The following HEATR1 variants were observed in gnomAD, a reference collection of about 807,000 sequenced individuals.
HEATR1 encodes the protein HEAT repeat containing 1, also known as HEAT repeat-containing protein 1.
HEATR1 carries 77 observed loss-of-function variants against 248.2 expected under a neutral mutation model. That is an observed-to-expected ratio of 0.31 (90% CI 0.26 to 0.37). The LOEUF (loss-of-function observed/expected upper bound fraction) is 0.37. Among genes scored for constraint, HEATR1 ranks in the 10% least tolerant of loss-of-function variants. The pLI, the probability that HEATR1 is intolerant of heterozygous loss-of-function variation, is 1.00. For synonymous variants in HEATR1, 897 were observed against 923.1 expected, an observed-to-expected ratio of 0.97 and a Z score of 0.51; for missense variants, 2,420 against 2,504.9, an observed-to-expected ratio of 0.97 and a Z score of 0.72.
intron 15 of HEATR1, 148 bp from the exon 16 acceptor site, chr1:236,586,089 G>T: frequency 7.9e-7 from 1 of 1,263,644 alleles, no homozygotes; most frequent in Non-Finnish European, 1.1e-6. Context: ...TCTATGAATT[G>T]GCTTCCTTTT....
In HEATR1 at chr1:236,576,226, T is replaced by C. The variant is rs202082960; in HGVS notation, c.3077A>G (p.Asn1026Ser). 4.6e-5 allele frequency: 73 copies of C among 1,598,450 alleles called. 2 individuals are homozygous for C. The Admixed American group carries it at 5.8e-4, about 13-fold the overall frequency. ...CACTTAAATGGCACATACCTCACCG[T>C]TGACTCCCTGAAGTACTTTCATCAA... ...KDLMKVLQGV[N>S]GEMVLSQLLP... Residue 1026 changes from asparagine (N) to serine (S), a missense_variant, in exon 22 of 45, where the codon AAC (asparagine) becomes AGC (serine). Coordinates refer to ENST00000366582, the MANE Select transcript of HEATR1 (RefSeq NM_018072.6).
intron 42 of HEATR1, among the ~76,000 whole-genome samples, chr1:236,554,163 G>A (rs1338458928): frequency 6.6e-6 from 1 of 152,182 alleles, no homozygotes; most frequent in Non-Finnish European, 1.5e-5. Context: ...AGGCCAAGGT[G>A]GGTGGATCAC....
At chr1:236,587,822 C>G (rs1663935067) in intron 13 of HEATR1, 126 bp downstream of exon 13, 1 of 630,684 alleles carries the variant, frequency 1.6e-6, no homozygotes, top group Non-Finnish European at 2.7e-6. Flanking sequence ...TCTGTGCTCT[C>G]CAGAGAACAA....
chr1:236,597,022 G>A (rs745582732), intron 5 of HEATR1, 46 bp from the exon 6 acceptor site: 5 of 1,580,440 alleles, frequency 3.2e-6, no homozygotes, highest in Admixed American at 3.6e-5. Flanking sequence ...GTGAAAGGGA[G>A]GTAGAAGGAT....
At chr1:236,553,834 A>G in intron 42 of HEATR1, 95 bp from the exon 43 acceptor site, 2 of 1,336,196 alleles carry the variant, frequency 1.5e-6, no homozygotes, top group Non-Finnish European at 2.1e-6. Flanking sequence ...ACTATCTTTC[A>G]TGATATTAGC....
chr1:236,568,049 A>T lies in HEATR1; in HGVS notation c.4077+947T>A, dbSNP rs534459505. Among the ~76,000 whole-genome samples, 4 of 152,358 alleles carry T rather than the reference A, an allele frequency of 2.6e-5. No individual in the cohort carries two copies. The East Asian group carries it at 7.7e-4, about 29-fold the overall frequency. On this transcript the variant is annotated intron_variant, in intron 29 of 44. Coordinates refer to ENST00000366582, the MANE Select transcript of HEATR1 (RefSeq NM_018072.6). The stretch of plus-strand genomic sequence containing the variant: ...TGTCTCAACCCTCTGCTCTCCATCA[A>T]TCAATCACCATTACATTCTTCAAAC...
Position 236,565,988 on chromosome 1 carries a change from C to T in HEATR1, c.4366G>A (p.Val1456Ile). 2 of 1,613,746 alleles carry T rather than the reference C, an allele frequency of 1.2e-6. No homozygotes were observed. The highest frequency in any genetic ancestry group is 1.7e-6 in the Non-Finnish European group (2 of 1,179,738). Reference sequence around the variant, plus strand: ...ATCAAGCTTTGTATCTGATGCTGGACACTAAACTCACAACAGACTGAAAAC... The same window carrying T: ...ATCAAGCTTTGTATCTGATGCTGGATACTAAACTCACAACAGACTGAAAAC... ...FWFSVCCEFS[V>I]QHQIQSLMNI... The change falls in exon 31 of 45, where the codon GTC becomes ATC. Residue 1456 changes from valine to isoleucine, a missense_variant. Physicochemically the swap from Val to Ile is conservative, Grantham distance 29 (BLOSUM62 3). Transcript: ENST00000366582.
Position 236,556,034 on chromosome 1 carries a change from C to T in HEATR1, c.5514+66G>A, listed in dbSNP as rs772613130. On this transcript the variant is annotated intron_variant, in intron 38 of 44. Transcript: ENST00000366582. ...AAAAACTAAATCTTCTTCTTTAAGT[C>T]AAAGTTTACACATTGCAGTACCACC... The T allele has an allele frequency of 3.1e-6, 5 of 1,606,618 alleles. No homozygotes were observed. In the Admixed American group the frequency reaches 6.7e-5, roughly 22 times the overall value.
intron 44 of HEATR1, 33 bp downstream of exon 44, chr1:236,551,966 T>C (rs1176386181): frequency 2.2e-6 from 3 of 1,348,656 alleles, no homozygotes; most frequent in East Asian, 2.3e-5. Context: ...TATTCCTTAA[T>C]TGTTTAATGG....
chr1:236,551,272 C>G (rs1042291346), intron 44 of HEATR1: 2 of 406,292 alleles, frequency 4.9e-6, no homozygotes, highest in East Asian at 4.2e-5. Context: ...CACACCTCCC[C>G]CCTCCAAGAG....
At chr1:236,566,584 A>C in intron 30 of HEATR1, 62 bp downstream of exon 30, 1 of 1,204,992 alleles carries the variant, frequency 8.3e-7, no homozygotes, top group Non-Finnish European at 1.2e-6. Flanking sequence ...TAAACTGGAC[A>C]ATATCATAAA....
rs1410208844 is a variant in HEATR1, at chr1:236,550,923, C to T, written c.6414G>A (p.Glu2138=). Residue 2138 remains glutamate (E), a synonymous_variant, in exon 45 of 45, where the codon GAG becomes GAA. Transcript: ENST00000366582. ...AGTCTTAGAAATAGCTCTGGAGTGG[C>T]TCTCCCAGGACAGTTTCCAGTTGCT... ...TIQQLETVLG[E]PLQSYF 1.2e-6 allele frequency: 2 copies of T among 1,609,388 alleles called. No homozygotes were observed. Among genetic ancestry groups the T allele is most frequent in the Non-Finnish European group, 1.7e-6 (2 of 1,178,520 alleles).
intron 12 of HEATR1, among the ~76,000 whole-genome samples, chr1:236,588,465 A>C (rs1027603104): frequency 8.3e-4 from 127 of 152,292 alleles, no homozygotes; most frequent in African/African-American, 3.0e-3. Flanking sequence ...CTCACCTATA[A>C]AACAGGTTTG....
chr1:236,592,059 T>C lies in HEATR1; in HGVS notation c.1356A>G (p.Ala452=), dbSNP rs1330461699. ...VVLEEHLKEI[A]DLKKQELFHQ... is the part of the protein sequence containing the mutation. ...GGAAAAGCTCTTGTTTTTTCAGATC[T>C]GCAATTTCCTTTAAGTGTTCCTCTA... is the stretch of plus-strand genomic sequence containing the variant. Residue 452 remains alanine, a synonymous_variant, in exon 11 of 45, where the codon GCA becomes GCG. Transcript: ENST00000366582. 4 of 1,609,290 alleles carry C rather than the reference T, an allele frequency of 2.5e-6. No individual in the cohort carries two copies. The East Asian group carries it at 8.9e-5, about 36-fold the overall frequency.
chr1:236,573,367 CAGAG>C (rs1200814896), intron 24 of HEATR1, among the ~76,000 whole-genome samples: 1 of 152,138 alleles, frequency 6.6e-6, no homozygotes, highest in Non-Finnish European at 1.5e-5. Context: ...TTTACTGCCC[CAGAG>C]ATTCTTTAGA....
intron 21 of HEATR1, 49 bp downstream of exon 21, chr1:236,576,731 A>G (rs761543966): frequency 5.2e-6 from 8 of 1,523,834 alleles, no homozygotes; most frequent in Non-Finnish European, 7.1e-6. Context: ...AAATTGCTCC[A>G]GTACACAGAG....
intron 29 of HEATR1, among the ~76,000 whole-genome samples, chr1:236,568,190 G>C (rs1362266095): frequency 2.6e-5 from 4 of 152,086 alleles, no homozygotes; most frequent in Admixed American, 6.5e-5. Context: ...AGAACTTTCT[G>C]GTCATCCTGG....
rs747983591 is a variant in HEATR1 at position 236,590,834 on chromosome 1, A to C, written c.1530+13T>G. On this transcript the variant is annotated intron_variant, in intron 12 of 44. Transcript: ENST00000366582. ...GAAAAAAAAACCATATAAAAAAGCG[A>C]TCTGAAACAAACCTTTGATGTTTTC... 1 of 1,400,260 alleles carries C rather than the reference A, an allele frequency of 7.1e-7. No individual in the cohort carries two copies. Among genetic ancestry groups the C allele is most frequent in the South Asian group, 1.6e-5 (1 of 63,110 alleles). The allele number at this position is 1,400,260 out of a possible 1,614,324, so 86.7% of individuals were successfully genotyped here. A position where few individuals can be genotyped will look rare whatever the true frequency, so the allele number is the denominator to read the frequency against.
intron 28 of HEATR1, among the ~76,000 whole-genome samples, chr1:236,570,965 C>T (rs1663410298): frequency 6.6e-6 from 1 of 152,176 alleles, no homozygotes; most frequent in Admixed American, 6.5e-5. Context: ...TTTCTGAAGT[C>T]ACTGGTTAAA....
Sources: allele counts gnomAD v4.1 joint callset (sites outside exome capture counted in the v4.1 genomes callset), GRCh38; gene constraint gnomAD v4.1.1; transcripts MANE v1.5; gene names NCBI Gene and HGNC (gene_info 2026-07-23, HGNC 2026-07-21).